TMEM178A: variants seen among roughly 807,000 people sequenced by gnomAD.
TMEM178A encodes the protein transmembrane protein 178A, also known as transmembrane protein 178.
TMEM178A carries 12 observed loss-of-function variants against 29.1 expected under a neutral mutation model. The ratio of observed to expected loss-of-function variants is 0.41; its 90% CI spans 0.26 to 0.67. TMEM178A has a LOEUF of 0.67. Ranked by LOEUF, TMEM178A falls within the 30% of genes least tolerant of loss-of-function variation. The pLI is 0.29. For missense variants in TMEM178A, 366 were observed against 419.1 expected (o/e 0.87, Z 1.11); for synonymous variants, 210 against 187.2 (o/e 1.12, Z -0.99).
intron 3 of TMEM178A, among the ~76,000 whole-genome samples, 176 bp from the exon 4 acceptor site, chr2:39,716,834 A>G (rs1237583673): frequency 6.6e-6 from 1 of 152,018 alleles, no homozygotes. Context: ...TGGCACACAG[A>G]AGTTTTGCCA....
At chr2:39,684,131 C>A (rs1002844805) in intron 1 of TMEM178A, among the ~76,000 whole-genome samples, 1 of 152,098 alleles carries the variant, frequency 6.6e-6, no homozygotes, top group African/African-American at 2.4e-5. Flanking sequence ...ATTTTGCTTC[C>A]ATGTTTTTAT....
At chr2:39,713,638 G>T (rs1030108710) in intron 3 of TMEM178A, among the ~76,000 whole-genome samples, 2 of 152,122 alleles carry the variant, frequency 1.3e-5, no homozygotes, top group African/African-American at 4.8e-5. Flanking sequence ...AGCCAACCCC[G>T]CTGACACCTT....
chr2:39,718,188 T>TTCC (rs995480047), downstream of TMEM178A, among the ~76,000 whole-genome samples: 12 of 135,794 alleles, frequency 8.8e-5, no homozygotes, highest in Admixed American at 7.3e-4. Context: ...TATTTACAAT[T>TTCC]TTCTTCTTCT....
intron 1 of TMEM178A, among the ~76,000 whole-genome samples, chr2:39,685,292 C>A (rs904406315): frequency 3.9e-5 from 6 of 152,194 alleles, no homozygotes; most frequent in African/African-American, 1.4e-4. Flanking sequence ...CCACAAAACC[C>A]TGTGCATGCT....
chr2:39,698,365 T>A (rs1671641702), intron 1 of TMEM178A, among the ~76,000 whole-genome samples: 1 of 152,242 alleles, frequency 6.6e-6, no homozygotes, highest in East Asian at 1.9e-4. Context: ...GGGTTGTTGA[T>A]GAGTAGCAAA....
At chr2:39,707,269 T>G (rs1157772233) in intron 3 of TMEM178A, 83 bp downstream of exon 3, 1 of 1,452,114 alleles carries the variant, frequency 6.9e-7, no homozygotes, top group East Asian at 2.4e-5. Context: ...CTTTGTTATC[T>G]CCCTGTTAAT....
chr2:39,716,492 T>G (rs1258326926), intron 3 of TMEM178A, among the ~76,000 whole-genome samples: 1 of 152,256 alleles, frequency 6.6e-6, no homozygotes, highest in East Asian at 1.9e-4. Context: ...ATTTAGCTAC[T>G]TGTATGACTT....
intron 1 of TMEM178A, among the ~76,000 whole-genome samples, chr2:39,694,870 T>G (rs1671471091): frequency 6.6e-6 from 1 of 152,232 alleles, no homozygotes; most frequent in Non-Finnish European, 1.5e-5. Flanking sequence ...TACTAATTAG[T>G]ATCTTTCTCC....
At chr2:39,675,192 A>G (rs917728251) in intron 1 of TMEM178A, among the ~76,000 whole-genome samples, 1 of 152,118 alleles carries the variant, frequency 6.6e-6, no homozygotes, top group Non-Finnish European at 1.5e-5. Flanking sequence ...TAGAAGATGT[A>G]GGGGTGGGGG....
rs142954926 is a variant in TMEM178A, at chr2:39,673,856, C to T, written c.400+7482C>T. 2.4e-3 allele frequency among the ~76,000 whole-genome samples: 371 copies of T among 152,272 alleles called. 1 individual carries two copies. Among genetic ancestry groups the T allele is most frequent in the African/African-American group, 8.4e-3 (348 of 41,554 alleles). On this transcript the variant is annotated intron_variant, in intron 1 of 3. Transcript: ENST00000281961. The stretch of plus-strand genomic sequence containing the variant: ...GTGAGCACTTGCTTCACTCAACAAT[C>T]ATCAACAAATGTTAAAAATGATTTT...
chr2:39,676,363 C>T (rs1670624100), intron 1 of TMEM178A, among the ~76,000 whole-genome samples: 1 of 152,050 alleles, frequency 6.6e-6, no homozygotes, highest in South Asian at 2.1e-4. Context: ...GCAGTTTTGT[C>T]TTGAGCCATG....
At chr2:39,733,964 A>T in the TMEM178A span, among the ~76,000 whole-genome samples, 1 of 151,854 alleles carries the variant, frequency 6.6e-6, no homozygotes, top group Non-Finnish European at 1.5e-5. Context: ...CTATTTCATC[A>T]TCTTTTCGTC....
intron 1 of TMEM178A, among the ~76,000 whole-genome samples, chr2:39,700,444 C>A (rs1394184935): frequency 6.6e-6 from 1 of 151,944 alleles, no homozygotes; most frequent in Non-Finnish European, 1.5e-5. Flanking sequence ...TCTCTGGTAA[C>A]AATTTTTGTC....
chr2:39,694,525 G>T (rs1248128344), intron 1 of TMEM178A, among the ~76,000 whole-genome samples: 1 of 152,062 alleles, frequency 6.6e-6, no homozygotes, highest in East Asian at 1.9e-4. Flanking sequence ...AAACATTCTT[G>T]CTCCCAGTTG....
At chr2:39,696,798 C>G (rs913185644) in intron 1 of TMEM178A, among the ~76,000 whole-genome samples, 1 of 152,218 alleles carries the variant, frequency 6.6e-6, no homozygotes, top group Non-Finnish European at 1.5e-5. Flanking sequence ...CCATTTCTAA[C>G]CCCCTGTGCA....
At chr2:39,705,918 C>G (rs1008151214) in intron 2 of TMEM178A, among the ~76,000 whole-genome samples, 1 of 152,068 alleles carries the variant, frequency 6.6e-6, no homozygotes, top group Admixed American at 6.5e-5. Flanking sequence ...CAGATGTATG[C>G]TTGGGATGTG....
intron 3 of TMEM178A, among the ~76,000 whole-genome samples, chr2:39,713,909 T>A (rs1250472777): frequency 6.6e-6 from 1 of 152,230 alleles, no homozygotes; most frequent in Non-Finnish European, 1.5e-5. Context: ...TGTTTTGTTT[T>A]TTAAAATATC....
At chr2:39,734,244 T>A in the TMEM178A span, among the ~76,000 whole-genome samples, 2 of 152,228 alleles carry the variant, frequency 1.3e-5, no homozygotes, top group Non-Finnish European at 2.9e-5. Context: ...CTAAAGCCAA[T>A]GGTCAATTTC....
intron 1 of TMEM178A, among the ~76,000 whole-genome samples, chr2:39,687,033 A>C (rs1671110374): frequency 6.8e-6 from 1 of 145,986 alleles, no homozygotes; most frequent in African/African-American, 2.5e-5. Flanking sequence ...AGATGCAGTG[A>C]GTAGGGTAGT....
Sources: gnomAD v4.1 joint callset for allele counts (sites outside exome capture counted in the v4.1 genomes callset) on GRCh38, gnomAD v4.1.1 for gene constraint, MANE v1.5 for transcripts, NCBI Gene and HGNC (gene_info 2026-07-23, HGNC 2026-07-21) for gene names.